The following MYT1L variants were observed in gnomAD, a reference collection of about 807,000 sequenced individuals.
MYT1L encodes the protein myelin transcription factor 1-like protein.
In MYT1L, 12 loss-of-function variants were observed where a neutral mutation model predicts 126.7. That is an observed-to-expected ratio of 0.09 (90% confidence interval 0.06 to 0.15). The LOEUF is 0.15. Ranked by LOEUF, MYT1L falls within the 10% of genes least tolerant of loss-of-function variation. The pLI, the probability that MYT1L is intolerant of heterozygous loss-of-function variation, is 1.00. For synonymous variants in MYT1L, 541 were observed against 604.2 expected, an observed-to-expected ratio of 0.90 and a Z score of 1.53; for missense variants, 979 against 1,585.2, an observed-to-expected ratio of 0.62 and a Z score of 6.49.
At position 1,854,781 on chromosome 2, in the gene MYT1L, C is replaced by T. The variant is rs139603068; in HGVS notation, c.2712-3078G>A. On this transcript the variant is annotated intron_variant, in intron 18 of 24. Coordinates refer to ENST00000647738, the MANE Select transcript of MYT1L (RefSeq NM_001303052.2). ...ATGAATGTGGGGAAGCTGTTTGGCCCGAGAAGGCTCACAGTCCTCCTGGGC... is the reference window on the plus strand; with the variant it reads ...ATGAATGTGGGGAAGCTGTTTGGCCTGAGAAGGCTCACAGTCCTCCTGGGC... Among the ~76,000 whole-genome samples the T allele has an allele frequency of 7.5e-3, 1,144 of 152,252 alleles. 12 individuals carry two copies. The highest frequency in any genetic ancestry group is 0.026 in the African/African-American group (1,093 of 41,524).
Position 1,813,968 on chromosome 2 carries a change from A to G in MYT1L, c.3081-4801T>C, listed in dbSNP as rs550095001. On this transcript the variant is annotated intron_variant, in intron 21 of 24. Transcript: ENST00000647738. ...CGCGAACCCGGGAGGCGGAGCTTGC[A>G]GTGAGCCGAGATCGCGCCACTGCAC... Among the ~76,000 whole-genome samples, 16 of 133,528 alleles carry G rather than the reference A, an allele frequency of 1.2e-4. No individual in the cohort carries two copies. In the South Asian group the frequency reaches 2.0e-3, roughly 17 times the overall value. 87.6% of individuals were successfully genotyped at this position (133,528 alleles called of 152,430 possible). A position where few individuals can be genotyped will look rare whatever the true frequency, so the allele number is the denominator to read the frequency against.
intron 8 of MYT1L, among the ~76,000 whole-genome samples, chr2:1,946,430 T>C (rs1487808884): frequency 6.6e-6 from 1 of 152,074 alleles, no homozygotes; most frequent in Non-Finnish European, 1.5e-5. Flanking sequence ...CCAGAAAGGA[T>C]GGGGACCGCT....
chr2:1,815,757 G>A (rs1572496548), intron 21 of MYT1L, among the ~76,000 whole-genome samples: 1 of 152,212 alleles, frequency 6.6e-6, no homozygotes, highest in Non-Finnish European at 1.5e-5. Flanking sequence ...GTGTCCCAGG[G>A]CTGCCTGGCC....
chr2:1,843,476 C>CTAT (rs1269095783), intron 19 of MYT1L, among the ~76,000 whole-genome samples: 1 of 151,110 alleles, frequency 6.6e-6, no homozygotes, highest in African/African-American at 2.4e-5. Flanking sequence ...GGGAGAATTA[C>CTAT]GGTGTCCTTC....
At chr2:2,117,217 T>C (rs2080327472) in intron 3 of MYT1L, among the ~76,000 whole-genome samples, 1 of 152,190 alleles carries the variant, frequency 6.6e-6, no homozygotes, top group African/African-American at 2.4e-5. Flanking sequence ...CCAAGATAAA[T>C]ACAGCAGTTA....
At chr2:1,939,556 C>A (rs758289087) in intron 9 of MYT1L, among the ~76,000 whole-genome samples, 3 of 152,208 alleles carry the variant, frequency 2.0e-5, no homozygotes, top group Non-Finnish European at 4.4e-5. Context: ...GTGATTTTGG[C>A]ACTACATTTA....
chr2:1,917,166 G>A lies in MYT1L; in HGVS notation c.1618+39C>T, dbSNP rs1279461585. 1 of 1,595,360 alleles carries A rather than the reference G, an allele frequency of 6.3e-7. No homozygotes were observed. Among genetic ancestry groups the A allele is most frequent in the Non-Finnish European group, 8.6e-7 (1 of 1,166,640 alleles). On this transcript the variant is annotated intron_variant, in intron 11 of 24. Transcript: ENST00000647738. This position sits in a 1 kb window ranked among gnomAD's most constrained non-coding sequence, Gnocchi z 5.9. Reference sequence around the variant, plus strand: ...GGATGACAGAGACAGAGTCATGGGTGTTTGCACCCCCAAGGGTAGCGGTGA... The same window carrying A: ...GGATGACAGAGACAGAGTCATGGGTATTTGCACCCCCAAGGGTAGCGGTGA...
rs572042101 is a variant in MYT1L at position 1,972,320 on chromosome 2, T to G, written c.152+6845A>C. Among the ~76,000 whole-genome samples, 4 of 151,664 alleles carry G rather than the reference T, an allele frequency of 2.6e-5. No homozygotes were observed. In the South Asian group the frequency reaches 8.3e-4, roughly 32 times the overall value. ...AATTAAAATCAGTTTTGCAATTAAA[T>G]GTGGAAAATTGTGTTAAACTTTCAA... On this transcript the variant is annotated intron_variant, in intron 8 of 24. Transcript: ENST00000647738.
intron 3 of MYT1L, among the ~76,000 whole-genome samples, chr2:2,089,025 T>A (rs2076638054): frequency 6.6e-6 from 1 of 152,178 alleles, no homozygotes; most frequent in South Asian, 2.1e-4. Flanking sequence ...ATAATGAATA[T>A]GATAAACAGT....
intron 3 of MYT1L, among the ~76,000 whole-genome samples, chr2:2,156,482 A>G (rs2086746840): frequency 6.6e-6 from 1 of 152,226 alleles, no homozygotes; most frequent in South Asian, 2.1e-4. Flanking sequence ...CAAATTATGT[A>G]AAATATGTTT....
At chr2:2,303,919 G>A (rs530449691) in intron 1 of MYT1L, 1 of 152,284 alleles carries the variant, frequency 6.6e-6, no homozygotes, top group East Asian at 1.9e-4. Context: ...ACATCGAAGT[G>A]TCCTGACTTA....
At chr2:1,873,235 C>T (rs1402750778) in intron 18 of MYT1L, among the ~76,000 whole-genome samples, 1 of 152,184 alleles carries the variant, frequency 6.6e-6, no homozygotes, top group Non-Finnish European at 1.5e-5. Flanking sequence ...AAAATATATA[C>T]ATTTTTACAG....
At chr2:1,794,129 G>A (rs999752762) in intron 23 of MYT1L, among the ~76,000 whole-genome samples, 4 of 152,224 alleles carry the variant, frequency 2.6e-5, no homozygotes, top group African/African-American at 9.6e-5. Context: ...AGCAGGATGG[G>A]CACCTCTGCA....
At chr2:2,181,935 G>A (rs535137880) in intron 2 of MYT1L, among the ~76,000 whole-genome samples, 14 of 152,140 alleles carry the variant, frequency 9.2e-5, no homozygotes, top group Non-Finnish European at 1.8e-4. Context: ...GGTTCAGAAA[G>A]GTAGCTTGCC....
chr2:2,308,219 T>G (rs1453506714), intron 1 of MYT1L, among the ~76,000 whole-genome samples: 1 of 151,716 alleles, frequency 6.6e-6, no homozygotes, highest in Non-Finnish European at 1.5e-5. Flanking sequence ...ACACTCTACC[T>G]ATACTCCACC....
chr2:2,143,013 G>T (rs1270884759), intron 3 of MYT1L, among the ~76,000 whole-genome samples: 3 of 150,806 alleles, frequency 2.0e-5, no homozygotes, highest in African/African-American at 4.9e-5. Flanking sequence ...GTTGTAGGCT[G>T]GGCGCGGTGG....
intron 5 of MYT1L, among the ~76,000 whole-genome samples, chr2:1,982,957 TGGATAA>T (rs1176242686): frequency 2.6e-5 from 4 of 152,374 alleles, no homozygotes; most frequent in East Asian, 1.9e-4. Flanking sequence ...CTCATATGGT[TGGATAA>T]GGATAAGAAT....
intron 2 of MYT1L, among the ~76,000 whole-genome samples, chr2:2,283,126 G>A (rs2095473341): frequency 6.6e-6 from 1 of 152,072 alleles, no homozygotes; most frequent in Admixed American, 6.6e-5. Flanking sequence ...CGATGCATAA[G>A]GGAAAAAGGA....
chr2:2,330,340 T>C (rs1259529956), intron 1 of MYT1L, among the ~76,000 whole-genome samples: 2 of 152,148 alleles, frequency 1.3e-5, no homozygotes, highest in African/African-American at 2.4e-5. Context: ...CATATAAATA[T>C]TTACATATAT....
Sources: gnomAD v4.1 joint callset for allele counts (sites outside exome capture counted in the v4.1 genomes callset) on GRCh38, gnomAD v4.1.1 for gene constraint, Gnocchi (gnomAD v3.1) non-coding constraint, MANE v1.5 for transcripts, NCBI Gene and HGNC (gene_info 2026-07-23, HGNC 2026-07-21) for gene names.